AKT3: variants seen among roughly 807,000 people sequenced by gnomAD.
AKT3 encodes RAC-gamma serine/threonine-protein kinase.
AKT3 carries 15 observed loss-of-function variants against 65.3 expected under a neutral mutation model. That is an observed-to-expected ratio of 0.23 (90% confidence interval 0.15 to 0.35). AKT3 has a LOEUF of 0.35. Among genes scored for constraint, AKT3 ranks in the 10% least tolerant of loss-of-function variants. AKT3 has a pLI of 1.00. For missense variants in AKT3, 243 were observed against 576.5 expected, an observed-to-expected ratio of 0.42 and a Z score of 5.92; for synonymous variants, 206 against 183.8, an observed-to-expected ratio of 1.12 and a Z score of -0.98.
intron 9 of AKT3, among the ~76,000 whole-genome samples, chr1:243,569,082 T>A (rs1346652254): frequency 6.6e-6 from 1 of 152,138 alleles, no homozygotes; most frequent in Non-Finnish European, 1.5e-5. Flanking sequence ...TACATCAAAC[T>A]CAGTTTTAGG....
At chr1:243,519,760 G>A (rs948649979) in intron 12 of AKT3, among the ~76,000 whole-genome samples, 3 of 152,038 alleles carry the variant, frequency 2.0e-5, no homozygotes, top group East Asian at 1.9e-4. Context: ...GGCTCCTTCT[G>A]ACTTATTTTT....
At chr1:243,841,876 T>C (rs1158476233) in intron 2 of AKT3, among the ~76,000 whole-genome samples, 1 of 152,096 alleles carries the variant, frequency 6.6e-6, no homozygotes, top group African/African-American at 2.4e-5. Flanking sequence ...TGGATGAATA[T>C]TAACAGTATT....
At chr1:243,508,341 C>G (rs1440712616) in intron 13 of AKT3, among the ~76,000 whole-genome samples, 2 of 152,230 alleles carry the variant, frequency 1.3e-5, no homozygotes, top group Non-Finnish European at 1.5e-5. Flanking sequence ...GGCCCCATGG[C>G]CCCCAGTGCT....
chr1:243,651,908 A>G (rs1035694696), intron 4 of AKT3, among the ~76,000 whole-genome samples: 3 of 152,234 alleles, frequency 2.0e-5, no homozygotes, highest in South Asian at 2.1e-4. Context: ...GTAGGAAAAA[A>G]TGTTGAGGGC....
intron 3 of AKT3, among the ~76,000 whole-genome samples, chr1:243,686,630 C>CTCATATATATATATATATATAT (rs1175976366): frequency 5.3e-5 from 1 of 18,854 alleles, no homozygotes; most frequent in Non-Finnish European, 1.0e-4. Flanking sequence ...AAATTGTTTT[C>CTCATATATATATATATATATAT]ATATATATAT....
At chr1:243,518,376 T>C (rs1282301892) in intron 12 of AKT3, among the ~76,000 whole-genome samples, 3 of 152,110 alleles carry the variant, frequency 2.0e-5, no homozygotes, top group Non-Finnish European at 4.4e-5. Context: ...GGCTCATGCC[T>C]GTAATCCCAG....
chr1:243,761,336 A>C (rs1254973461), intron 2 of AKT3, among the ~76,000 whole-genome samples: 2 of 152,204 alleles, frequency 1.3e-5, no homozygotes, highest in Non-Finnish European at 2.9e-5. Context: ...TCAATGGACA[A>C]GCTAAATATC....
At chr1:243,849,816 C>T (rs1315683572) in intron 1 of AKT3, among the ~76,000 whole-genome samples, 1 of 151,824 alleles carries the variant, frequency 6.6e-6, no homozygotes, top group African/African-American at 2.4e-5. Flanking sequence ...TCGGTGTCAA[C>T]CGCGCTGGGC....
intron 1 of AKT3, among the ~76,000 whole-genome samples, chr1:243,846,030 C>A (rs903539697): frequency 3.3e-5 from 5 of 152,142 alleles, no homozygotes; most frequent in African/African-American, 1.2e-4. Flanking sequence ...TATGATTCTG[C>A]AAGTTAAAAT....
intron 2 of AKT3, among the ~76,000 whole-genome samples, chr1:243,747,245 G>A (rs1044879469): frequency 1.3e-5 from 2 of 152,026 alleles, no homozygotes; most frequent in Non-Finnish European, 2.9e-5. Context: ...TATTTTCACC[G>A]TAAAACTGCA....
chr1:243,789,633 T>A (rs775107734), intron 2 of AKT3, among the ~76,000 whole-genome samples: 4 of 152,206 alleles, frequency 2.6e-5, no homozygotes, highest in East Asian at 3.9e-4. Context: ...CCTCCTCCCA[T>A]GATTCATGAA....
intron 2 of AKT3, among the ~76,000 whole-genome samples, chr1:243,748,866 A>G (rs1688634220): frequency 6.6e-6 from 1 of 152,178 alleles, no homozygotes; most frequent in Non-Finnish European, 1.5e-5. Context: ...TAGCCTTACC[A>G]TACGAATCAG....
intron 3 of AKT3, among the ~76,000 whole-genome samples, chr1:243,681,077 T>C (rs555677612): frequency 1.6e-4 from 25 of 152,244 alleles, no homozygotes; most frequent in Admixed American, 1.5e-3. Flanking sequence ...GTCTGGAAAC[T>C]TGAAAGCTGC....
At chr1:243,696,611 A>G (rs1375578329) in intron 2 of AKT3, among the ~76,000 whole-genome samples, 1 of 151,956 alleles carries the variant, frequency 6.6e-6, no homozygotes, top group African/African-American at 2.4e-5. Context: ...AAAGAAGTAC[A>G]AAAAAATTGC....
chr1:243,838,755 T>C (rs959338872), intron 2 of AKT3, among the ~76,000 whole-genome samples: 11 of 152,266 alleles, frequency 7.2e-5, no homozygotes, highest in African/African-American at 2.2e-4. Flanking sequence ...CTGTAGTTCA[T>C]CTAAATAAAC....
chr1:243,829,545 T>G (rs1051057315), intron 2 of AKT3, among the ~76,000 whole-genome samples: 1 of 152,064 alleles, frequency 6.6e-6, no homozygotes, highest in Non-Finnish European at 1.5e-5. Context: ...TACCAATAAA[T>G]AAGAACATAA....
At chr1:243,678,120 G>C (rs546472551) in intron 3 of AKT3, among the ~76,000 whole-genome samples, 1 of 152,026 alleles carries the variant, frequency 6.6e-6, no homozygotes, top group Admixed American at 6.6e-5. Context: ...TATAGAGATA[G>C]CCTATCAGTC....
intron 3 of AKT3, among the ~76,000 whole-genome samples, chr1:243,665,829 T>C (rs957562527): frequency 9.2e-5 from 14 of 152,028 alleles, no homozygotes; most frequent in South Asian, 2.1e-4. Flanking sequence ...CAAGAAAAAA[T>C]AGGGTAGGGT....
intron 12 of AKT3, among the ~76,000 whole-genome samples, chr1:243,544,862 AT>A (rs897770090): frequency 1.2e-3 from 178 of 144,174 alleles, no homozygotes; most frequent in Non-Finnish European, 1.4e-3. Context: ...CGCCCAGTTG[AT>A]TTTTTTTTTT....
Sources: allele counts gnomAD v4.1 joint callset (sites outside exome capture counted in the v4.1 genomes callset), GRCh38; gene constraint gnomAD v4.1.1; transcripts MANE v1.5; gene names NCBI Gene and HGNC (gene_info 2026-07-23, HGNC 2026-07-21).